The following ADCY5 variants were observed in gnomAD, a reference collection of about 807,000 sequenced individuals.
ADCY5 encodes adenylate cyclase 5.
In ADCY5, 30 loss-of-function variants were observed where a neutral mutation model predicts 119.7. That is an observed-to-expected ratio of 0.25 (90% CI 0.19 to 0.34). The LOEUF (loss-of-function observed/expected upper bound fraction) is 0.34. Ranked by LOEUF, ADCY5 falls within the 10% of genes least tolerant of loss-of-function variation. The pLI is 1.00. For synonymous variants in ADCY5, 753 were observed against 762.2 expected (o/e 0.99, Z 0.20); for missense variants, 1,324 against 1,775.2 (o/e 0.75, Z 4.57).
At chr3:123,411,595 C>A (rs1052417596) in intron 1 of ADCY5, among the ~76,000 whole-genome samples, 2 of 152,178 alleles carry the variant, frequency 1.3e-5, no homozygotes, top group Admixed American at 6.5e-5. Context: ...TTATCCCCAA[C>A]CCCCAGCCAG....
intron 3 of ADCY5, among the ~76,000 whole-genome samples, chr3:123,342,022 C>T (rs1042372461): frequency 6.6e-6 from 1 of 152,094 alleles, no homozygotes; most frequent in African/African-American, 2.4e-5. Flanking sequence ...GCTCCTGGGC[C>T]CCAGCAATCC....
chr3:123,419,269 G>A (rs1326124145), intron 1 of ADCY5: 2 of 950,098 alleles, frequency 2.1e-6, no homozygotes, highest in Non-Finnish European at 2.5e-6. Flanking sequence ...CCACAGGCCA[G>A]GGAAGTGCCG....
At chr3:123,359,822 T>C (rs887688924) in intron 1 of ADCY5, among the ~76,000 whole-genome samples, 5 of 152,120 alleles carry the variant, frequency 3.3e-5, no homozygotes, top group African/African-American at 1.2e-4. Context: ...CACATAAAAC[T>C]AACAACGAAA....
chr3:123,328,834 AG>A, intron 5 of ADCY5, 32 bp from the exon 6 acceptor site: 1 of 1,606,256 alleles, frequency 6.2e-7, no homozygotes, highest in Non-Finnish European at 8.5e-7. Flanking sequence ...AGCTGGGAGA[AG>A]GCTGGAGGCC....
chr3:123,435,472 T>A (rs1341497969), intron 1 of ADCY5, among the ~76,000 whole-genome samples: 1 of 151,866 alleles, frequency 6.6e-6, no homozygotes, highest in African/African-American at 2.4e-5. Flanking sequence ...AATGACGGAG[T>A]CCTCCATTGA....
intron 1 of ADCY5, among the ~76,000 whole-genome samples, chr3:123,435,818 C>G (rs1234576847): frequency 6.7e-6 from 1 of 150,042 alleles, no homozygotes; most frequent in African/African-American, 2.4e-5. Context: ...CTCAGGAGTT[C>G]AAGACCAGCC....
At chr3:123,370,262 A>G (rs1360304307) in intron 1 of ADCY5, among the ~76,000 whole-genome samples, 3 of 152,228 alleles carry the variant, frequency 2.0e-5, no homozygotes, top group Non-Finnish European at 4.4e-5. Context: ...CTTTAGAATA[A>G]TTAAGATTAA....
At chr3:123,285,265 G>C (rs922810085) in intron 20 of ADCY5, among the ~76,000 whole-genome samples, 35 of 152,176 alleles carry the variant, frequency 2.3e-4, no homozygotes, top group African/African-American at 8.2e-4. Context: ...TTACCCTCAG[G>C]CTCAGAGCAT....
chr3:123,286,814 AG>A lies in ADCY5; in HGVS notation c.3533-6del, dbSNP rs1305428060. 1 of 1,594,124 alleles carries A rather than the reference AG, an allele frequency of 6.3e-7. No individual in the cohort carries two copies. Among genetic ancestry groups the A allele is most frequent in the South Asian group, 1.1e-5 (1 of 87,350 alleles). On this transcript the variant is annotated splice_region_variant and splice_polypyrimidine_tract_variant and intron_variant, in intron 19 of 20. Transcript: ENST00000462833. This position sits in a 1 kb window ranked among gnomAD's most constrained non-coding sequence, Gnocchi z 4.2. ...CCACGGGGCCGATGTTGAGCCCTGCAGGGGACAGGAATCAGCCACAGTCATC... is the reference window on the plus strand; with the variant it reads ...CCACGGGGCCGATGTTGAGCCCTGCAGGGACAGGAATCAGCCACAGTCATC...
intron 8 of ADCY5, 130 bp downstream of exon 8, chr3:123,325,192 C>T (rs1941420748): frequency 2.4e-6 from 3 of 1,257,452 alleles, no homozygotes; most frequent in African/African-American, 1.5e-5. Flanking sequence ...GGGCAAACCG[C>T]ACTTGTATTT....
intron 11 of ADCY5, 111 bp from the exon 12 acceptor site, chr3:123,314,433 G>T: frequency 4.0e-6 from 3 of 757,024 alleles, no homozygotes; most frequent in Non-Finnish European, 6.5e-6. Context: ...CATCCTCACA[G>T]CTTCAGAGGG....
intron 3 of ADCY5, among the ~76,000 whole-genome samples, chr3:123,341,225 T>A (rs1436001584): frequency 6.6e-6 from 1 of 152,180 alleles, no homozygotes; most frequent in Non-Finnish European, 1.5e-5. Flanking sequence ...CAACCCAGTG[T>A]CCATCAATGG....
Position 123,300,125 on chromosome 3 carries a change from G to A in ADCY5, c.2895C>T (p.Asn965=), listed in dbSNP as rs1173095032. The change falls in exon 15 of 21, where the codon AAC becomes AAT. Residue 965 remains asparagine, a synonymous_variant. Coordinates refer to ENST00000462833, the MANE Select transcript of ADCY5 (RefSeq NM_183357.3). The part of the protein sequence containing the change: ...FDNADLLVTA[N]AIDFFNNGTS... ...GTGAGGGAGGTGCCCCATACATGGC[G>A]TTGGCGGTGACCAGCAGGTCGGCGT... 8.7e-6 allele frequency: 14 copies of A among 1,613,712 alleles called. No homozygotes were observed. Among genetic ancestry groups the A allele is most frequent in the African/African-American group, 6.7e-5 (5 of 74,940 alleles).
intron 18 of ADCY5, among the ~76,000 whole-genome samples, chr3:123,290,872 C>T (rs1939101804): frequency 6.6e-6 from 1 of 152,248 alleles, no homozygotes; most frequent in Non-Finnish European, 1.5e-5. Context: ...TCAGGCCAGA[C>T]ACTTGAGTTC....
chr3:123,424,957 G>A (rs1198605694), intron 1 of ADCY5, among the ~76,000 whole-genome samples: 1 of 152,230 alleles, frequency 6.6e-6, no homozygotes, highest in Non-Finnish European at 1.5e-5. Flanking sequence ...AGAAAAAAAG[G>A]TTCATTTCGA....
intron 1 of ADCY5, among the ~76,000 whole-genome samples, chr3:123,416,988 G>T (rs750962606): frequency 1.3e-5 from 2 of 152,074 alleles, no homozygotes. Context: ...ATCCTCATCC[G>T]ACCCCAATCC....
intron 1 of ADCY5, chr3:123,416,260 G>A (rs1175013787): frequency 2.6e-6 from 4 of 1,536,020 alleles, no homozygotes; most frequent in Non-Finnish European, 3.5e-6. Context: ...CTCTTTCTGA[G>A]ACTTCATTCC....
chr3:123,405,465 T>C (rs560483340), intron 1 of ADCY5, among the ~76,000 whole-genome samples: 11 of 152,192 alleles, frequency 7.2e-5, no homozygotes, highest in Non-Finnish European at 1.2e-4. Flanking sequence ...GGTTCTCTCC[T>C]TTAGGACCTG....
intron 12 of ADCY5, among the ~76,000 whole-genome samples, chr3:123,313,400 C>T (rs1054893915): frequency 6.6e-6 from 1 of 152,192 alleles, no homozygotes; most frequent in Non-Finnish European, 1.5e-5. Flanking sequence ...CACCGCCCAC[C>T]CCAGAGGCTT....
Sources: gnomAD v4.1 joint callset for allele counts (sites outside exome capture counted in the v4.1 genomes callset) on GRCh38, gnomAD v4.1.1 for gene constraint, Gnocchi (gnomAD v3.1) non-coding constraint, MANE v1.5 for transcripts, NCBI Gene and HGNC (gene_info 2026-07-23, HGNC 2026-07-21) for gene names.